The following BBS12 variants were observed in gnomAD, a reference collection of about 807,000 sequenced individuals.
BBS12 encodes Bardet-Biedl syndrome 12.
Under a neutral mutation model 5.6 loss-of-function variants are expected in BBS12, and 5 were observed. The observed-to-expected ratio is 0.89, with a 90% CI of 0.46 to 1.86. BBS12 has a LOEUF of 1.86. Among genes scored for constraint, BBS12 ranks in the 40% most tolerant of loss-of-function variants. BBS12 has a pLI of 0.01. For synonymous variants in BBS12, 308 were observed against 306.8 expected (o/e 1.00, Z -0.04); for missense variants, 748 against 830.4 (o/e 0.90, Z 1.22).
Position 122,743,183 on chromosome 4 carries a change from CG to C in BBS12, c.1293del (p.Leu432TrpfsTer2). ...AATTGAAAAATGTATAAACAGTAAGCGGTTGGTAATCGGCTCAGTGAATGGC... is the reference window on the plus strand; with the variant it reads ...AATTGAAAAATGTATAAACAGTAAGCGTTGGTAATCGGCTCAGTGAATGGC... ...RLIEKCINSK[R>X]LVIGSVNGSV... On this transcript the variant is annotated frameshift_variant, in exon 2 of 2. Coordinates refer to ENST00000314218, the MANE Select transcript of BBS12 (RefSeq NM_152618.3). LOFTEE classifies it low-confidence loss of function (END_TRUNC). 1 of 1,614,148 alleles carries C rather than the reference CG, an allele frequency of 6.2e-7. No homozygotes were observed. Among genetic ancestry groups the C allele is most frequent in the Non-Finnish European group, 8.5e-7 (1 of 1,180,032 alleles).
At chr4:122,716,579 A>T in the BBS12 span, among the ~76,000 whole-genome samples, 206 of 147,548 alleles carry the variant, frequency 1.4e-3, no homozygotes, top group Middle Eastern at 0.011. Context: ...AAACATATGT[A>T]TATATACACA....
chr4:122,744,153 C>A lies in BBS12; in HGVS notation c.*128C>A. On this transcript the variant is annotated 3_prime_UTR_variant, in exon 2 of 2. Transcript: ENST00000314218. ...CAAGAAGAAAATAGTTGATGTCTGT[C>A]AATAACTGTGCATGGTCTGAGATTT... is the stretch of plus-strand genomic sequence containing the variant. 2.1e-6 allele frequency: 2 copies of A among 955,176 alleles called. No homozygotes were observed. Among genetic ancestry groups the A allele is most frequent in the Non-Finnish European group, 3.2e-6 (2 of 616,482 alleles). The allele number at this position is 955,176 out of a possible 1,614,324, so 59.2% of individuals were successfully genotyped here.
the BBS12 span, among the ~76,000 whole-genome samples, chr4:122,719,933 G>A: frequency 6.6e-6 from 1 of 152,002 alleles, no homozygotes; most frequent in Non-Finnish European, 1.5e-5. Flanking sequence ...TCCCCATTCC[G>A]CCAAAGAATC....
rs375244084 is a variant in BBS12 at position 122,742,999 on chromosome 4, C to T, written c.1107C>T (p.His369=). The T allele has an allele frequency of 3.7e-6, 6 of 1,614,192 alleles. No individual in the cohort carries two copies. The highest frequency in any genetic ancestry group is 2.2e-5 in the East Asian group (1 of 44,882). ...IEGDLTENYR[H]LGFNKSANIK... The stretch of plus-strand genomic sequence containing the variant: ...GTGACCTCACAGAGAATTACCGCCA[C>T]CTGGGATTTAATAAGTCTGCAAATA... Residue 369 remains histidine (H), a synonymous_variant, in exon 2 of 2, where the codon CAC becomes CAT. Coordinates refer to ENST00000314218, the MANE Select transcript of BBS12 (RefSeq NM_152618.3).
the BBS12 span, among the ~76,000 whole-genome samples, chr4:122,722,311 A>G: frequency 6.6e-6 from 1 of 152,160 alleles, no homozygotes; most frequent in African/African-American, 2.4e-5. Context: ...CACTATTTTG[A>G]TAACTGTGGA....
the BBS12 span, among the ~76,000 whole-genome samples, chr4:122,704,099 C>T: frequency 3.1e-3 from 474 of 152,302 alleles, 3 homozygotes; most frequent in Non-Finnish European, 5.3e-3. Flanking sequence ...ATGCTCCTGC[C>T]TCAGCATACC....
At chr4:122,709,510 G>A in the BBS12 span, among the ~76,000 whole-genome samples, 2 of 152,142 alleles carry the variant, frequency 1.3e-5, no homozygotes, top group African/African-American at 4.8e-5. Context: ...AGAAGTTTAT[G>A]ATGACATGGA....
the BBS12 span, among the ~76,000 whole-genome samples, chr4:122,714,235 C>T: frequency 5.3e-5 from 8 of 152,166 alleles, no homozygotes; most frequent in African/African-American, 7.2e-5. Context: ...ACCTACAAGG[C>T]GGCAAAAGGG....
At chr4:122,702,087 A>T in the BBS12 span, among the ~76,000 whole-genome samples, 1 of 151,982 alleles carries the variant, frequency 6.6e-6, no homozygotes, top group Non-Finnish European at 1.5e-5. Context: ...GAAACAATAT[A>T]TTTTTTTTAA....
the BBS12 span, among the ~76,000 whole-genome samples, chr4:122,706,309 G>A: frequency 6.6e-6 from 1 of 152,078 alleles, no homozygotes; most frequent in Admixed American, 6.6e-5. Flanking sequence ...TGTAGTCTCA[G>A]GCCTAAGACG....
At position 122,743,295 on chromosome 4, in the gene BBS12, G is replaced by A; in HGVS notation, c.1403G>A (p.Gly468Glu). ...GTGAATGAAGATTGTGTGGGCGACG[G>A]GGTCTGCGTGACCTTCTGGAGAAGC... ...TQVNEDCVGD[G>E]VCVTFWRSSP... is the part of the protein sequence containing the mutation. The change falls in exon 2 of 2, where the codon GGG becomes GAG. Residue 468 changes from glycine (G) to glutamate (E), a missense_variant. Transcript: ENST00000314218. The A allele has an allele frequency of 6.2e-7, 1 of 1,614,216 alleles. No individual in the cohort carries two copies. The highest frequency in any genetic ancestry group is 1.3e-5 in the African/African-American group (1 of 75,052).
At chr4:122,713,327 T>G in the BBS12 span, among the ~76,000 whole-genome samples, 1 of 152,090 alleles carries the variant, frequency 6.6e-6, no homozygotes, top group African/African-American at 2.4e-5. Context: ...AATTTTTTTT[T>G]TAATTATTTT....
the BBS12 span, among the ~76,000 whole-genome samples, chr4:122,700,499 A>G: frequency 6.6e-6 from 1 of 152,236 alleles, no homozygotes; most frequent in Non-Finnish European, 1.5e-5. Flanking sequence ...CATCCTGGCC[A>G]GCTTTCTTGG....
At chr4:122,713,362 G>T in the BBS12 span, among the ~76,000 whole-genome samples, 1 of 151,700 alleles carries the variant, frequency 6.6e-6, no homozygotes, top group African/African-American at 2.4e-5. Flanking sequence ...GGTGGCACAT[G>T]CTGTAGTCCC....
In BBS12 at chr4:122,742,667, A is replaced by G. The variant is rs746565072; in HGVS notation, c.775A>G (p.Thr259Ala). Residue 259 changes from threonine to alanine, a missense_variant, in exon 2 of 2, where the codon ACT becomes GCT. Thr to Ala is a moderately conservative substitution (Grantham distance 58, BLOSUM62 0). Coordinates refer to ENST00000314218, the MANE Select transcript of BBS12 (RefSeq NM_152618.3). ...PDGFQEHVTA[T>A]HKTYRCNDLV... The stretch of plus-strand genomic sequence containing the variant: ...TGGATTTCAAGAACATGTTACAGCT[A>G]CTCACAAAACTTACAGATGTAATGA... The G allele has an allele frequency of 5.5e-5, 88 of 1,614,130 alleles. No homozygotes were observed. The East Asian group carries it at 1.9e-3, about 35-fold the overall frequency.
At chr4:122,703,214 G>T in the BBS12 span, among the ~76,000 whole-genome samples, 1 of 152,014 alleles carries the variant, frequency 6.6e-6, no homozygotes, top group Admixed American at 6.6e-5. Context: ...GGGCAGAATT[G>T]CTGTATTGAA....
In BBS12 at chr4:122,743,812, T is replaced by C. The variant is rs756035223; in HGVS notation, c.1920T>C (p.Tyr640=). ...GSPSSYILNE[Y]SKLNSRIFNS... Reference sequence around the variant, plus strand: ...CTTCATCTTACATCTTGAATGAATATAGTAAACTAAATAGTAGAATTTTTA... The same window carrying C: ...CTTCATCTTACATCTTGAATGAATACAGTAAACTAAATAGTAGAATTTTTA... The change falls in exon 2 of 2, where the codon TAT becomes TAC. Residue 640 remains tyrosine (Y), a synonymous_variant. Coordinates refer to ENST00000314218, the MANE Select transcript of BBS12 (RefSeq NM_152618.3). 1 of 1,611,926 alleles carries C rather than the reference T, an allele frequency of 6.2e-7. No homozygotes were observed. Among genetic ancestry groups the C allele is most frequent in the Non-Finnish European group, 8.5e-7 (1 of 1,179,250 alleles).
At chr4:122,741,175 A>G (rs1027016968) in intron 1 of BBS12, among the ~76,000 whole-genome samples, 2 of 151,796 alleles carry the variant, frequency 1.3e-5, no homozygotes, top group Admixed American at 6.6e-5. Flanking sequence ...TCTCCACTAC[A>G]TGTTTTTTTT....
intron 1 of BBS12, among the ~76,000 whole-genome samples, chr4:122,737,389 C>T (rs1800798459): frequency 6.6e-6 from 1 of 152,188 alleles, no homozygotes; most frequent in African/African-American, 2.4e-5. Context: ...GGTTTTAGTC[C>T]ATAGCCTTTT....
Sources: gnomAD v4.1 joint callset for allele counts (sites outside exome capture counted in the v4.1 genomes callset) on GRCh38, gnomAD v4.1.1 for gene constraint, MANE v1.5 for transcripts, NCBI Gene and HGNC (gene_info 2026-07-23, HGNC 2026-07-21) for gene names.